NAV2: variants seen among roughly 807,000 people sequenced by gnomAD.
NAV2 encodes helicase, APC down-regulated 1.
Under a neutral mutation model 223.2 loss-of-function variants are expected in NAV2, and 54 were observed. The observed-to-expected ratio is 0.24, with a 90% CI of 0.19 to 0.30. NAV2 has a LOEUF of 0.30. NAV2 is among the 10% of genes least tolerant of loss of function. NAV2 has a pLI of 1.00. For synonymous variants in NAV2, 1,279 were observed against 1,239.3 expected, an observed-to-expected ratio of 1.03 and a Z score of -0.67; for missense variants, 2,806 against 3,147.5, an observed-to-expected ratio of 0.89 and a Z score of 2.60.
chr11:19,516,257 A>G (rs2043443811), intron 1 of NAV2, among the ~76,000 whole-genome samples: 1 of 152,222 alleles, frequency 6.6e-6, no homozygotes, highest in Non-Finnish European at 1.5e-5. Flanking sequence ...AAAAGGTGAC[A>G]TAGGCCCCTC....
intron 6 of NAV2, among the ~76,000 whole-genome samples, chr11:19,927,384 C>A (rs2153233523): frequency 6.6e-6 from 1 of 152,286 alleles, no homozygotes; most frequent in East Asian, 1.9e-4. Context: ...GAGTTCCAGA[C>A]CAGCCTGGCC....
At position 20,093,215 on chromosome 11, in the gene NAV2, T is replaced by G; in HGVS notation, c.5916+16T>G. 51 of 1,506,748 alleles carry G rather than the reference T, an allele frequency of 3.4e-5. No homozygotes were observed. The highest frequency in any genetic ancestry group is 4.7e-5 in the Non-Finnish European group (51 of 1,082,548). 93.3% of individuals were successfully genotyped at this position (1,506,748 alleles called of 1,614,324 possible). On this transcript the variant is annotated intron_variant, in intron 29 of 37. Coordinates refer to ENST00000349880, the MANE Select transcript of NAV2 (RefSeq NM_145117.5). ...GTGGAAGGAGGTTAGTTGGATCCCT[T>G]TCCCTGCTTTGCCTGTCCCTCCCCC...
At chr11:19,392,102 A>C (rs1237283515) in intron 1 of NAV2, among the ~76,000 whole-genome samples, 1 of 152,218 alleles carries the variant, frequency 6.6e-6, no homozygotes, top group Non-Finnish European at 1.5e-5. Context: ...CTCTCCTTTT[A>C]CTTTGATGAT....
chr11:19,743,798 C>G (rs769281698), intron 1 of NAV2, among the ~76,000 whole-genome samples: 1 of 152,260 alleles, frequency 6.6e-6, no homozygotes, highest in Non-Finnish European at 1.5e-5. Flanking sequence ...TTCTCACTGT[C>G]CTGCCCAGGC....
intron 2 of NAV2, among the ~76,000 whole-genome samples, chr11:19,833,683 C>T (rs894154160): frequency 6.6e-6 from 1 of 152,238 alleles, no homozygotes; most frequent in Non-Finnish European, 1.5e-5. Context: ...GAAGTCTAGG[C>T]ATAGCTTAGC....
intron 1 of NAV2, among the ~76,000 whole-genome samples, chr11:19,396,420 C>A (rs1045186123): frequency 2.0e-5 from 3 of 152,124 alleles, no homozygotes; most frequent in East Asian, 3.9e-4. Context: ...AACATACAAC[C>A]CATGAGGGTG....
Position 19,933,178 on chromosome 11 carries a change from C to A in NAV2, c.934C>A (p.Pro312Thr), listed in dbSNP as rs780877317. 2.0e-5 allele frequency: 31 copies of A among 1,528,540 alleles called. No individual in the cohort carries two copies. The highest frequency in any genetic ancestry group is 2.8e-5 in the African/African-American group (2 of 72,218). 94.7% of individuals were successfully genotyped at this position (1,528,540 alleles called of 1,614,324 possible). ...CCTCCTCTCTTCTGTCTCTGCAGAG[C>A]CTTTGGCAAGTTCAGCCTCCTCCCA... Reference protein sequence around the residue: ...PPPPSSHEKEPLASSASSHPG... With the variant: ...PPPPSSHEKETLASSASSHPG... Residue 312 changes from proline (P) to threonine (T), a missense_variant and splice_region_variant, in exon 7 of 38, where the codon CCT (proline) becomes ACT (threonine). By Grantham distance (38) the Pro-to-Thr change is conservative (BLOSUM62 -1). Around this residue, in one of 4 missense-constraint regions of NAV2, gnomAD observed 1,167 missense variants for 1,180.5 expected, o/e 0.99. Transcript: ENST00000349880. The surrounding 1 kb of genome is among the most constrained non-coding windows in gnomAD (Gnocchi z 4.3).
At chr11:20,002,985 A>C (rs548783666) in intron 11 of NAV2, among the ~76,000 whole-genome samples, 2 of 152,238 alleles carry the variant, frequency 1.3e-5, no homozygotes, top group Non-Finnish European at 2.9e-5. Flanking sequence ...TTACCCCACC[A>C]TAAATGGGCT....
Position 19,622,228 on chromosome 11 carries a change from T to G in NAV2, c.76-210256T>G, listed in dbSNP as rs185126308. On this transcript the variant is annotated intron_variant, in intron 1 of 37. Coordinates refer to the NAV2 transcript ENST00000360655. ...GATGTGGTGCTGAGAAGAATGTATA[T>G]TCTGTTGATTTGGGGTGGAGAGTTC... 1.8e-4 allele frequency among the ~76,000 whole-genome samples: 28 copies of G among 152,346 alleles called. No homozygotes were observed. The East Asian group carries it at 5.4e-3, about 29-fold the overall frequency.
chr11:19,430,354 C>G (rs1291201172), intron 1 of NAV2, among the ~76,000 whole-genome samples: 1 of 152,182 alleles, frequency 6.6e-6, no homozygotes, highest in East Asian at 1.9e-4. Flanking sequence ...TAAAGCTGAC[C>G]CGTTTGGTGT....
intron 11 of NAV2, among the ~76,000 whole-genome samples, chr11:20,009,967 A>C (rs1048520472): frequency 7.9e-5 from 12 of 151,536 alleles, no homozygotes; most frequent in African/African-American, 2.9e-4. Flanking sequence ...AATACATCCT[A>C]TTATAACTGT....
At chr11:19,476,739 A>G (rs1411170161) in intron 1 of NAV2, among the ~76,000 whole-genome samples, 2 of 152,212 alleles carry the variant, frequency 1.3e-5, no homozygotes, top group African/African-American at 4.8e-5. Flanking sequence ...AGGAAAGCCT[A>G]TTTCATGGAG....
chr11:19,413,546 C>T (rs1416377701), intron 1 of NAV2, among the ~76,000 whole-genome samples: 1 of 152,060 alleles, frequency 6.6e-6, no homozygotes, highest in Non-Finnish European at 1.5e-5. Flanking sequence ...CAAAACAGGC[C>T]AACGTTCAAA....
At chr11:19,755,689 G>A (rs974458720) in intron 1 of NAV2, among the ~76,000 whole-genome samples, 5 of 152,090 alleles carry the variant, frequency 3.3e-5, no homozygotes, top group Admixed American at 6.5e-5. Flanking sequence ...TCTTCTCTTC[G>A]TGTCTCCTGT....
At chr11:19,704,263 A>G (rs947650184) in intron 1 of NAV2, among the ~76,000 whole-genome samples, 1 of 152,088 alleles carries the variant, frequency 6.6e-6, no homozygotes, top group Non-Finnish European at 1.5e-5. Flanking sequence ...CTTTCCACTC[A>G]TTTCCTCAAC....
At chr11:19,422,571 C>T (rs1434240826) in intron 1 of NAV2, among the ~76,000 whole-genome samples, 1 of 146,742 alleles carries the variant, frequency 6.8e-6, no homozygotes, top group Non-Finnish European at 1.5e-5. Context: ...CCATAAGGCC[C>T]TTCTGCGGCT....
chr11:20,080,768 A>C (rs1449188783), intron 25 of NAV2, among the ~76,000 whole-genome samples: 1 of 152,220 alleles, frequency 6.6e-6, no homozygotes, highest in Non-Finnish European at 1.5e-5. Flanking sequence ...CTCAAATAGC[A>C]AGTTTAATAG....
intron 4 of NAV2, among the ~76,000 whole-genome samples, chr11:19,871,982 A>T (rs1050012935): frequency 2.6e-5 from 4 of 152,160 alleles, no homozygotes; most frequent in African/African-American, 9.7e-5. Flanking sequence ...CCCCAAAATG[A>T]CATTCTGTCA....
In NAV2 at chr11:20,118,243, G is replaced by C; in HGVS notation, c.7275G>C (p.Leu2425Phe). 6.2e-7 allele frequency: 1 copy of C among 1,613,990 alleles called. No homozygotes were observed. Among genetic ancestry groups the C allele is most frequent in the Middle Eastern group, 1.6e-4 (1 of 6,062 alleles). The change falls in exon 38 of 38, where the codon TTG becomes TTC. Residue 2425 changes from leucine (L) to phenylalanine (F), a missense_variant. Coordinates refer to ENST00000349880, the MANE Select transcript of NAV2 (RefSeq NM_145117.5). Reference sequence around the variant, plus strand: ...ACGATGACATCTTGGACTCCTCTTTGGAGTCCACTCTGTGACAGGGGCCCG... The same window carrying C: ...ACGATGACATCTTGGACTCCTCTTTCGAGTCCACTCTGTGACAGGGGCCCG... ...SHHDDILDSS[L>F]ESTL
Sources: allele counts gnomAD v4.1 joint callset (sites outside exome capture counted in the v4.1 genomes callset), GRCh38; gene constraint gnomAD v4.1.1; regional missense constraint gnomAD v4.1.1; non-coding constraint Gnocchi (gnomAD v3.1); transcripts MANE v1.5; gene names NCBI Gene and HGNC (gene_info 2026-07-23, HGNC 2026-07-21).